SASH1: variants seen among roughly 807,000 people sequenced by gnomAD.
SASH1 encodes SAM and SH3 domain-containing protein 1.
SASH1 carries 44 observed loss-of-function variants against 125.2 expected under a neutral mutation model. The ratio of observed to expected loss-of-function variants is 0.35; its 90% CI spans 0.28 to 0.45. The LOEUF is 0.45. Ranked by LOEUF, SASH1 falls within the 20% of genes least tolerant of loss-of-function variation. The pLI, the probability that SASH1 is intolerant of heterozygous loss-of-function variation, is 1.00. For missense variants in SASH1, 1,426 were observed against 1,614.5 expected, an observed-to-expected ratio of 0.88 and a Z score of 2.00; for synonymous variants, 639 against 649.1, an observed-to-expected ratio of 0.98 and a Z score of 0.24.
intron 2 of SASH1, among the ~76,000 whole-genome samples, chr6:148,399,595 A>G (rs1784095270): frequency 6.6e-6 from 1 of 152,194 alleles, no homozygotes; most frequent in Non-Finnish European, 1.5e-5. Context: ...GAGGGCTTAA[A>G]CACCAAACTA....
At chr6:148,302,378 T>C (rs1779987754) in intron 1 of SASH1, among the ~76,000 whole-genome samples, 1 of 139,836 alleles carries the variant, frequency 7.2e-6, no homozygotes, top group Non-Finnish European at 1.5e-5. Flanking sequence ...AGAGACTAAG[T>C]GAGAGGTAGA....
At chr6:148,296,597 G>A (rs765088692) in intron 1 of SASH1, among the ~76,000 whole-genome samples, 2 of 152,226 alleles carry the variant, frequency 1.3e-5, no homozygotes, top group Non-Finnish European at 2.9e-5. Context: ...AGGCTCAATA[G>A]GATAGAGTGA....
In SASH1 at chr6:148,343,235, G is replaced by T; in HGVS notation, c.156+12G>T. 6.3e-7 allele frequency: 1 copy of T among 1,582,560 alleles called. No homozygotes were observed. Among genetic ancestry groups the T allele is most frequent in the Non-Finnish European group, 8.6e-7 (1 of 1,168,746 alleles). On this transcript the variant is annotated intron_variant, in intron 1 of 19. Transcript: ENST00000367467. ...TGATGGGTATCCTGGTAAGTTACCT[G>T]GGGAGGGGGCGGCGCAGGAAGTACA...
At chr6:148,257,787 C>T in the SASH1 span, among the ~76,000 whole-genome samples, 54 of 152,124 alleles carry the variant, frequency 3.5e-4, no homozygotes, top group African/African-American at 5.1e-4. Flanking sequence ...CGTGCCACCA[C>T]GCCCAGCTAA....
intron 1 of SASH1, among the ~76,000 whole-genome samples, chr6:148,332,783 C>T (rs1469246630): frequency 1.3e-5 from 2 of 151,982 alleles, no homozygotes; most frequent in African/African-American, 4.8e-5. Context: ...GTCAGGAGTT[C>T]GAGACCAGCC....
At chr6:148,541,818 G>A (rs1782236494) in intron 17 of SASH1, among the ~76,000 whole-genome samples, 1 of 152,108 alleles carries the variant, frequency 6.6e-6, no homozygotes, top group South Asian at 2.1e-4. Flanking sequence ...CAGAATTTGA[G>A]CCATGATGCC....
chr6:148,267,050 C>T, the SASH1 span, among the ~76,000 whole-genome samples: 1 of 152,168 alleles, frequency 6.6e-6, no homozygotes, highest in African/African-American at 2.4e-5. Context: ...CTCCATCAAA[C>T]TACTTCACCT....
chr6:148,513,422 T>C, intron 8 of SASH1: 1 of 985,478 alleles, frequency 1.0e-6, no homozygotes, highest in Non-Finnish European at 1.2e-6. Context: ...TCTTATGCTG[T>C]TTCACATTTT....
intron 4 of SASH1, among the ~76,000 whole-genome samples, chr6:148,446,350 C>T (rs542423468): frequency 3.9e-5 from 6 of 152,120 alleles, no homozygotes; most frequent in South Asian, 2.1e-4. Context: ...CCTCATGATC[C>T]GCCCGCCTTG....
intron 1 of SASH1, among the ~76,000 whole-genome samples, chr6:148,389,427 C>A (rs2114823420): frequency 6.6e-6 from 1 of 152,318 alleles, no homozygotes; most frequent in South Asian, 2.1e-4. Flanking sequence ...GAATTTGTAA[C>A]ATGTACTCTT....
At chr6:148,504,143 A>G (rs1234594426) in intron 8 of SASH1, among the ~76,000 whole-genome samples, 1 of 152,184 alleles carries the variant, frequency 6.6e-6, no homozygotes, top group Non-Finnish European at 1.5e-5. Flanking sequence ...AGCTTTCCAG[A>G]GGAGGCAATA....
intron 1 of SASH1, among the ~76,000 whole-genome samples, chr6:148,368,770 G>GCGCGCGCACACACACACACACA (rs1554245330): frequency 1.5e-5 from 2 of 135,644 alleles, no homozygotes; most frequent in African/African-American, 5.3e-5. Flanking sequence ...GCACGCGCGC[G>GCGCGCGCACACACACACACACA]CACACACACA....
At chr6:148,281,149 G>C (rs1316384826) in intron 1 of SASH1, among the ~76,000 whole-genome samples, 7 of 147,372 alleles carry the variant, frequency 4.7e-5, no homozygotes, top group African/African-American at 1.8e-4. Context: ...GTAGAGACAG[G>C]GTTTCACCGT....
intron 1 of SASH1, among the ~76,000 whole-genome samples, chr6:148,333,402 A>C (rs1387000928): frequency 1.3e-5 from 2 of 152,076 alleles, no homozygotes; most frequent in Non-Finnish European, 2.9e-5. Flanking sequence ...AACAAACAAA[A>C]AATCAAAAAA....
intron 4 of SASH1, among the ~76,000 whole-genome samples, chr6:148,463,698 T>C (rs1229311053): frequency 6.6e-6 from 1 of 152,000 alleles, no homozygotes; most frequent in Admixed American, 6.5e-5. Context: ...GACTCACATG[T>C]CCAACTGTTT....
At chr6:148,387,593 T>TTTCTTTC (rs1783462151) in intron 1 of SASH1, among the ~76,000 whole-genome samples, 3 of 10,506 alleles carry the variant, frequency 2.9e-4, no homozygotes, top group African/African-American at 1.6e-3. Flanking sequence ...TCTTTCTTTC[T>TTTCTTTC]TTCTTTCTTT....
chr6:148,341,423 T>A (rs969710869), upstream of SASH1, among the ~76,000 whole-genome samples: 2 of 149,706 alleles, frequency 1.3e-5, no homozygotes, highest in Non-Finnish European at 3.0e-5. Flanking sequence ...TTCGCCCGCC[T>A]CAGCCTCCCA....
chr6:148,459,819 C>T lies in SASH1; in HGVS notation c.387-8726C>T, dbSNP rs561849828. ...GAAAACTCTAAAAATTCTATGTGAT[C>T]GGTAACATTTTGTCTCTGTTTTGCA... On this transcript the variant is annotated intron_variant, in intron 4 of 19. Coordinates refer to ENST00000367467, the MANE Select transcript of SASH1 (RefSeq NM_015278.5). Among the ~76,000 whole-genome samples, 4 of 152,206 alleles carry T rather than the reference C, an allele frequency of 2.6e-5. No individual in the cohort carries two copies. In the East Asian group the frequency reaches 5.8e-4, roughly 22 times the overall value.
chr6:148,220,519 C>T, the SASH1 span, among the ~76,000 whole-genome samples: 3 of 152,162 alleles, frequency 2.0e-5, no homozygotes, highest in Non-Finnish European at 4.4e-5. Flanking sequence ...TAGCAGTACT[C>T]ATATTATTAC....
Sources: gnomAD v4.1 joint callset for allele counts (sites outside exome capture counted in the v4.1 genomes callset) on GRCh38, gnomAD v4.1.1 for gene constraint, MANE v1.5 for transcripts, NCBI Gene and HGNC (gene_info 2026-07-23, HGNC 2026-07-21) for gene names.